Variants in GPC5 observed in about 807,000 individuals in gnomAD.
GPC5 encodes the protein glypican-5.
A neutral mutation model predicts 53.9 loss-of-function variants in GPC5; 47 were observed. The observed-to-expected ratio is 0.87, with a 90% confidence interval of 0.69 to 1.11. The LOEUF is 1.11. GPC5 is among the 50% of genes most tolerant of loss of function. GPC5 has a pLI of 0.00. For synonymous variants in GPC5, 286 were observed against 263.3 expected (o/e 1.09, Z -0.84); for missense variants, 748 against 713.1 (o/e 1.05, Z -0.56).
chr13:91,890,308 T>C (rs1205357364), intron 5 of GPC5, among the ~76,000 whole-genome samples: 1 of 152,186 alleles, frequency 6.6e-6, no homozygotes, highest in Non-Finnish European at 1.5e-5. Context: ...GGCTCTATTT[T>C]TATTTCTAAA....
intron 7 of GPC5, among the ~76,000 whole-genome samples, chr13:92,740,863 ATTATAT>A (rs1889063082): frequency 1.4e-5 from 2 of 145,080 alleles, no homozygotes; most frequent in African/African-American, 2.6e-5. Context: ...CAAATAACAA[ATTATAT>A]TTATGTATGT....
intron 5 of GPC5, among the ~76,000 whole-genome samples, chr13:91,802,588 T>C (rs2038153676): frequency 6.6e-6 from 1 of 152,138 alleles, no homozygotes; most frequent in African/African-American, 2.4e-5. Context: ...GATTGGTCCA[T>C]TTTACAGAGC....
intron 6 of GPC5, among the ~76,000 whole-genome samples, chr13:91,999,043 C>A (rs1056887187): frequency 7.2e-5 from 11 of 152,044 alleles, no homozygotes; most frequent in African/African-American, 2.7e-4. Flanking sequence ...TAATGTTGGC[C>A]ATGTTTAAAT....
chr13:92,634,958 A>T (rs1885367003), intron 7 of GPC5, among the ~76,000 whole-genome samples: 1 of 151,532 alleles, frequency 6.6e-6, no homozygotes, highest in Non-Finnish European at 1.5e-5. Flanking sequence ...TATATTTTCT[A>T]TTATTTTTTC....
At chr13:92,778,011 A>G (rs1192215105) in intron 7 of GPC5, among the ~76,000 whole-genome samples, 1 of 152,222 alleles carries the variant, frequency 6.6e-6, no homozygotes, top group Non-Finnish European at 1.5e-5. Context: ...AGGCTCCAGG[A>G]TGTGGCAAAT....
intron 2 of GPC5, among the ~76,000 whole-genome samples, chr13:91,660,526 C>T (rs1594393781): frequency 6.6e-6 from 1 of 152,174 alleles, no homozygotes; most frequent in Admixed American, 6.5e-5. Context: ...AGCTGAGACT[C>T]TTCCTGTAAG....
intron 7 of GPC5, among the ~76,000 whole-genome samples, chr13:92,484,193 C>G (rs1879467781): frequency 6.6e-6 from 1 of 152,084 alleles, no homozygotes; most frequent in Admixed American, 6.6e-5. Context: ...ATCAGTATCA[C>G]TGTCTTCCAC....
chr13:91,908,214 C>A (rs2039575579), intron 6 of GPC5, among the ~76,000 whole-genome samples, 157 bp downstream of exon 6: 1 of 152,034 alleles, frequency 6.6e-6, no homozygotes, highest in Non-Finnish European at 1.5e-5. Context: ...TATTTAGTTT[C>A]ATGATTTTTG....
At chr13:92,215,132 T>C (rs757936959) in intron 7 of GPC5, among the ~76,000 whole-genome samples, 1 of 152,178 alleles carries the variant, frequency 6.6e-6, no homozygotes, top group African/African-American at 2.4e-5. Flanking sequence ...AGTAACAAAG[T>C]ATTATGCTAG....
chr13:92,429,057 CATAA>C (rs1876967825), intron 7 of GPC5, among the ~76,000 whole-genome samples: 1 of 151,806 alleles, frequency 6.6e-6, no homozygotes, highest in Admixed American at 6.6e-5. Context: ...ATAAATCTTA[CATAA>C]ATTAAAAGTT....
intron 5 of GPC5, among the ~76,000 whole-genome samples, chr13:91,802,667 G>A (rs1401810178): frequency 6.6e-6 from 1 of 152,074 alleles, no homozygotes; most frequent in African/African-American, 2.4e-5. Context: ...CAATCCTTTA[G>A]TTAGACAGAA....
intron 5 of GPC5, among the ~76,000 whole-genome samples, chr13:91,770,738 G>GTGTGTGTA (rs760021941): frequency 6.7e-6 from 1 of 149,430 alleles, no homozygotes; most frequent in African/African-American, 2.5e-5. Context: ...GTGTGTGTGT[G>GTGTGTGTA]TATGCATATG....
intron 1 of GPC5, among the ~76,000 whole-genome samples, chr13:91,436,046 T>C (rs1879917443): frequency 6.6e-6 from 1 of 152,122 alleles, no homozygotes; most frequent in Non-Finnish European, 1.5e-5. Context: ...CCCTTTATCA[T>C]TTTTTATGTG....
chr13:92,243,546 T>C (rs950239743), intron 7 of GPC5, among the ~76,000 whole-genome samples: 33 of 152,100 alleles, frequency 2.2e-4, no homozygotes, highest in African/African-American at 7.5e-4. Flanking sequence ...TATTATAGGA[T>C]TGATGGAATG....
At chr13:91,655,178 T>C (rs959839020) in intron 2 of GPC5, among the ~76,000 whole-genome samples, 1 of 152,176 alleles carries the variant, frequency 6.6e-6, no homozygotes, top group East Asian at 1.9e-4. Flanking sequence ...GTATTCATTC[T>C]TTCATTTTAA....
At chr13:91,822,442 G>C (rs2038511208) in intron 5 of GPC5, among the ~76,000 whole-genome samples, 1 of 152,166 alleles carries the variant, frequency 6.6e-6, no homozygotes, top group Non-Finnish European at 1.5e-5. Flanking sequence ...CTTCACACTT[G>C]AACATACTTT....
chr13:92,790,445 T>A (rs145447784), intron 7 of GPC5, among the ~76,000 whole-genome samples: 3 of 152,194 alleles, frequency 2.0e-5, no homozygotes, highest in Non-Finnish European at 4.4e-5. Context: ...TTTCAAGAGA[T>A]TGTAGATTAA....
intron 7 of GPC5, among the ~76,000 whole-genome samples, chr13:92,693,048 C>T (rs2139237060): frequency 6.6e-6 from 1 of 152,100 alleles, no homozygotes; most frequent in Admixed American, 6.6e-5. Context: ...CAGTTCCTAG[C>T]TCTCTCTCTG....
intron 6 of GPC5, among the ~76,000 whole-genome samples, chr13:92,075,737 T>C (rs1013224722): frequency 7.2e-5 from 11 of 152,180 alleles, no homozygotes; most frequent in Admixed American, 1.3e-4. Context: ...GTTTAAAAGA[T>C]TGCAATCTTT....
Sources: gnomAD v4.1 joint callset for allele counts (sites outside exome capture counted in the v4.1 genomes callset) on GRCh38, gnomAD v4.1.1 for gene constraint, MANE v1.5 for transcripts, NCBI Gene and HGNC (gene_info 2026-07-23, HGNC 2026-07-21) for gene names.